Variants in LY75 observed in about 807,000 individuals in gnomAD.
LY75 encodes lymphocyte antigen 75.
In LY75, 185 loss-of-function variants were observed where a neutral mutation model predicts 231.7. The ratio of observed to expected loss-of-function variants is 0.80; its 90% CI spans 0.71 to 0.90. The LOEUF (loss-of-function observed/expected upper bound fraction) is 0.90, where lower values mean the gene tolerates loss of function less well. Ranked by LOEUF, LY75 falls within the 40% of genes least tolerant of loss-of-function variation. The pLI is 0.00. For synonymous variants in LY75, 668 were observed against 689.0 expected (o/e 0.97, Z 0.48); for missense variants, 1,947 against 2,050.2 (o/e 0.95, Z 0.97).
chr2:159,894,985 C>G (rs754130320), intron 2 of LY75, among the ~76,000 whole-genome samples: 1 of 152,214 alleles, frequency 6.6e-6, no homozygotes, highest in African/African-American at 2.4e-5. Context: ...CTAAAAACCT[C>G]AGTCATTAAC....
At chr2:159,827,887 C>T (rs547897598) in intron 28 of LY75, among the ~76,000 whole-genome samples, 2 of 152,064 alleles carry the variant, frequency 1.3e-5, no homozygotes, top group East Asian at 1.9e-4. Flanking sequence ...TGTTCTCACT[C>T]ATAAGTGGGA....
At chr2:159,893,263 A>T (rs1004663327) in intron 3 of LY75, among the ~76,000 whole-genome samples, 2 of 152,180 alleles carry the variant, frequency 1.3e-5, no homozygotes, top group Non-Finnish European at 2.9e-5. Flanking sequence ...ATGTTGACCA[A>T]TCAATTATTT....
chr2:159,856,192 A>G (rs1303398723), intron 16 of LY75, among the ~76,000 whole-genome samples: 2 of 152,246 alleles, frequency 1.3e-5, no homozygotes, highest in Non-Finnish European at 2.9e-5. Flanking sequence ...CAAGGTATCA[A>G]GAAATACAAT....
At chr2:159,837,074 G>A (rs1258927644) in intron 25 of LY75, among the ~76,000 whole-genome samples, 2 of 152,214 alleles carry the variant, frequency 1.3e-5, no homozygotes, top group East Asian at 3.8e-4. Flanking sequence ...CCTGCGGAAA[G>A]TAGTTTGGAG....
intron 26 of LY75, among the ~76,000 whole-genome samples, chr2:159,834,907 G>A (rs1037760818): frequency 1.3e-5 from 2 of 152,184 alleles, no homozygotes; most frequent in Admixed American, 1.3e-4. Flanking sequence ...ATGTGACCTT[G>A]CCAGTTGTAA....
intron 7 of LY75, among the ~76,000 whole-genome samples, chr2:159,881,745 AAGT>A (rs1157446060): frequency 6.6e-6 from 1 of 152,188 alleles, no homozygotes; most frequent in Admixed American, 6.5e-5. Flanking sequence ...TACAAAAGTG[AAGT>A]AATTATCACT....
chr2:159,861,967 C>T (rs1475020960), intron 14 of LY75, among the ~76,000 whole-genome samples: 2 of 151,854 alleles, frequency 1.3e-5, no homozygotes, highest in Admixed American at 1.3e-4. Context: ...CCAGCCTGGG[C>T]AACATGGTGA....
chr2:159,835,578 C>T lies in LY75; in HGVS notation c.3575G>A (p.Gly1192Glu). Residue 1192 changes from glycine (G) to glutamate (E), a missense_variant, in exon 26 of 35, where the codon GGG (glycine) becomes GAG (glutamate). Transcript: ENST00000263636. ...TAATACTACACAGTCTTCGAGTTGC[C>T]CATTAGTTTCAGCCCAGCGACTAAA... The part of the protein sequence containing the change: ...LHFSRWAETN[G>E]QLEDCVVLDT... 2 of 1,613,746 alleles carry T rather than the reference C, an allele frequency of 1.2e-6. No homozygotes were observed. The highest frequency in any genetic ancestry group is 8.5e-7 in the Non-Finnish European group (1 of 1,179,844).
Position 159,849,868 on chromosome 2 carries a change from AC to A in LY75, c.3150+111del, listed in dbSNP as rs1259126097. ...ACTATCTTAGATGTGCCTATTCTGG[AC>A]ATTTCATACAAATGGAATAATACAG... On this transcript the variant is annotated intron_variant, in intron 23 of 34. Coordinates refer to ENST00000263636, the MANE Select transcript of LY75 (RefSeq NM_002349.4). 22 of 1,378,142 alleles carry A rather than the reference AC, an allele frequency of 1.6e-5. No homozygotes were observed. The African/African-American group carries it at 2.8e-4, about 17-fold the overall frequency. 85.4% of individuals were successfully genotyped at this position (1,378,142 alleles called of 1,614,324 possible).
Position 159,854,910 on chromosome 2 carries a change from T to C in LY75, c.2413A>G (p.Asn805Asp), listed in dbSNP as rs1226476091. ...TTCAGTTTTCTTAACTCACCTGGAT[T>C]GTACCAGTCTGGTGTTTTTGGAGTA... The part of the protein sequence containing the change: ...GRTPKTPDWY[N>D]PDRAGIHGPP... Residue 805 changes from asparagine (N) to aspartate (D), a missense_variant, in exon 17 of 35, where the codon AAT (asparagine) becomes GAT (aspartate). Transcript: ENST00000263636. 2 of 1,613,734 alleles carry C rather than the reference T, an allele frequency of 1.2e-6. No individual in the cohort carries two copies. The highest frequency in any genetic ancestry group is 2.7e-5 in the African/African-American group (2 of 74,930).
intron 8 of LY75, among the ~76,000 whole-genome samples, chr2:159,880,862 A>G (rs952339818): frequency 7.2e-5 from 11 of 152,308 alleles, no homozygotes; most frequent in Non-Finnish European, 1.2e-4. Context: ...CCAATCTGAC[A>G]GGAGGCGGAG....
chr2:159,824,077 G>C (rs1467426275), intron 28 of LY75, among the ~76,000 whole-genome samples: 1 of 152,136 alleles, frequency 6.6e-6, no homozygotes, highest in Non-Finnish European at 1.5e-5. Flanking sequence ...CATAATGACA[G>C]GATCAAATTC....
At chr2:159,820,231 T>C (rs1354100913) in intron 28 of LY75, among the ~76,000 whole-genome samples, 1 of 152,214 alleles carries the variant, frequency 6.6e-6, no homozygotes, top group Non-Finnish European at 1.5e-5. Flanking sequence ...TGCACATGCA[T>C]GTTTATAGCA....
At chr2:159,875,292 G>C (rs1685231101) in intron 12 of LY75, 152 bp downstream of exon 12, 1 of 1,106,278 alleles carries the variant, frequency 9.0e-7, no homozygotes, top group African/African-American at 1.6e-5. Flanking sequence ...CACACCAGAG[G>C]TTCAGCGATG....
intron 23 of LY75, among the ~76,000 whole-genome samples, chr2:159,847,801 A>C (rs1046575674): frequency 1.3e-5 from 2 of 152,052 alleles, no homozygotes; most frequent in African/African-American, 4.8e-5. Flanking sequence ...AGAGCTTTAT[A>C]TTACCTATAT....
At chr2:159,876,786 A>T (rs542220521) in intron 11 of LY75, among the ~76,000 whole-genome samples, 3 of 152,026 alleles carry the variant, frequency 2.0e-5, no homozygotes, top group Non-Finnish European at 4.4e-5. Flanking sequence ...TGGGTAGATC[A>T]CCTGAGGTCA....
chr2:159,850,789 T>TATATATATATATATATATAG (rs796940571), intron 21 of LY75, among the ~76,000 whole-genome samples: 1 of 88,666 alleles, frequency 1.1e-5, no homozygotes, highest in Non-Finnish European at 2.6e-5. Context: ...TATATATATA[T>TATATATATATATATATATAG]ATATATATAT....
At chr2:159,862,315 C>T (rs1277084710) in intron 14 of LY75, among the ~76,000 whole-genome samples, 2 of 141,908 alleles carry the variant, frequency 1.4e-5, no homozygotes, top group Non-Finnish European at 3.1e-5. Context: ...AAAAATTAGC[C>T]GGGCGTGATG....
chr2:159,865,894 C>T (rs1684844212), intron 13 of LY75, among the ~76,000 whole-genome samples: 2 of 152,136 alleles, frequency 1.3e-5, no homozygotes, highest in Non-Finnish European at 2.9e-5. Context: ...CATTTATGCT[C>T]TGGCCAGGGA....
Sources: allele counts gnomAD v4.1 joint callset (sites outside exome capture counted in the v4.1 genomes callset), GRCh38; gene constraint gnomAD v4.1.1; transcripts MANE v1.5; gene names NCBI Gene and HGNC (gene_info 2026-07-23, HGNC 2026-07-21).